The following CHDH variants were observed in gnomAD, a reference collection of about 807,000 sequenced individuals.
The protein encoded by CHDH is choline dehydrogenase, also known as choline dehydrogenase, mitochondrial.
A neutral mutation model predicts 56.9 loss-of-function variants in CHDH; 43 were observed. That is an observed-to-expected ratio of 0.76 (90% CI 0.59 to 0.97). CHDH has a LOEUF of 0.97. Ranked by LOEUF, CHDH falls within the 50% of genes least tolerant of loss-of-function variation. The probability of loss-of-function intolerance (pLI) is 0.00; values close to 1 mark genes in which losing one functional copy is unlikely to be tolerated. For synonymous variants in CHDH, 364 were observed against 348.5 expected (o/e 1.04, Z -0.50); for missense variants, 816 against 821.1 (o/e 0.99, Z 0.08).
intron 1 of CHDH, among the ~76,000 whole-genome samples, chr3:53,843,967 T>A (rs1433179476): frequency 6.6e-6 from 1 of 152,216 alleles, no homozygotes; most frequent in African/African-American, 2.4e-5. Context: ...GGACCTCTCA[T>A]GCAGGGCCAC....
intron 2 of CHDH, among the ~76,000 whole-genome samples, chr3:53,828,697 A>G (rs1307587461): frequency 3.3e-5 from 5 of 152,188 alleles, no homozygotes; most frequent in Non-Finnish European, 7.3e-5. Context: ...CAAGAGTGAG[A>G]CACTACTATA....
At chr3:53,818,332 C>T in intron 8 of CHDH, 137 bp from the exon 9 acceptor site, 1 of 775,194 alleles carries the variant, frequency 1.3e-6, no homozygotes, top group South Asian at 1.9e-5. Flanking sequence ...CCATGGGGGA[C>T]TGAGCCAGCA....
chr3:53,822,396 TGG>T, intron 4 of CHDH, 93 bp downstream of exon 4: 2 of 1,210,444 alleles, frequency 1.7e-6, no homozygotes, highest in Non-Finnish European at 2.4e-6. Flanking sequence ...CACGTGGGTC[TGG>T]GGGTGAGGGC....
intron 8 of CHDH, 147 bp from the exon 9 acceptor site, chr3:53,818,342 A>G: frequency 2.7e-6 from 2 of 731,286 alleles, no homozygotes; most frequent in South Asian, 1.9e-5. Flanking sequence ...CTGAGCCAGC[A>G]GGCTGCTTGT....
chr3:53,826,997 A>AC (rs1006357376), intron 2 of CHDH, among the ~76,000 whole-genome samples: 1 of 152,180 alleles, frequency 6.6e-6, no homozygotes, highest in Non-Finnish European at 1.5e-5. Flanking sequence ...TTAAATTAGC[A>AC]CCCCAGGCTG....
chr3:53,819,711 C>A lies in CHDH; in HGVS notation c.1121-37G>T. On this transcript the variant is annotated intron_variant, in intron 6 of 8. Transcript: ENST00000315251. This position sits in a 1 kb window ranked among gnomAD's most constrained non-coding sequence, Gnocchi z 5.4. ...AAGAGGATGAGGCAGAAGAGCCAGT[C>A]AGGCCGTGGCAGGTGGGCCGGCTGC... 1 of 1,518,250 alleles carries A rather than the reference C, an allele frequency of 6.6e-7. No individual in the cohort carries two copies. The highest frequency in any genetic ancestry group is 1.3e-5 in the South Asian group (1 of 77,430). The allele number at this position is 1,518,250 out of a possible 1,614,324, so 94.0% of individuals were successfully genotyped here.
chr3:53,821,535 C>G, intron 5 of CHDH, 112 bp downstream of exon 5: 3 of 956,676 alleles, frequency 3.1e-6, no homozygotes, highest in Non-Finnish European at 4.8e-6. Flanking sequence ...TGTGATAGTT[C>G]CAAGGATCAC....
In CHDH at chr3:53,823,868, G is replaced by A. The variant is rs753921753; in HGVS notation, c.141C>T (p.Gly47=). Residue 47 remains glycine, a synonymous_variant, in exon 3 of 9, where the codon GGC becomes GGT. Transcript: ENST00000315251. ...CCAGCACGCAGCCCGCCGAGCCCGC[G>A]CCCACCACCACATAGCTGTACTCGT... is the stretch of plus-strand genomic sequence containing the variant. ...SRDEYSYVVV[G]AGSAGCVLAG... is the part of the protein sequence containing the mutation. 37 of 1,591,524 alleles carry A rather than the reference G, an allele frequency of 2.3e-5. No homozygotes were observed. The highest frequency in any genetic ancestry group is 3.0e-5 in the Non-Finnish European group (35 of 1,176,368).
rs1162529680 is a variant in CHDH at position 53,819,652 on chromosome 3, C to T, written c.1143G>A (p.Leu381=). ...GGCTGCGGATGAACCCACCTGTTTC[C>T]AGATGGGCAGTGGCTCCCTCCCCTG... ...KFTGEGATAH[L]ETGGFIRSQP... Residue 381 remains leucine (L), a synonymous_variant, in exon 7 of 9, where the codon CTG becomes CTA. Transcript: ENST00000315251. The surrounding 1 kb of genome is among the most constrained non-coding windows in gnomAD (Gnocchi z 5.4). 1 of 1,607,594 alleles carries T rather than the reference C, an allele frequency of 6.2e-7. No homozygotes were observed. The highest frequency in any genetic ancestry group is 1.7e-5 in the Admixed American group (1 of 59,482).
chr3:53,839,339 G>T (rs1698601981), intron 2 of CHDH, among the ~76,000 whole-genome samples: 1 of 152,220 alleles, frequency 6.6e-6, no homozygotes, highest in East Asian at 1.9e-4. Context: ...GAATCCAAGT[G>T]CAGGGAAACC....
At chr3:53,833,801 AG>A (rs1382281602) in intron 2 of CHDH, among the ~76,000 whole-genome samples, 1 of 152,154 alleles carries the variant, frequency 6.6e-6, no homozygotes, top group Non-Finnish European at 1.5e-5. Context: ...GACAAGCACG[AG>A]GAAGAACAGA....
At chr3:53,824,620 G>T (rs1487778410) in intron 2 of CHDH, among the ~76,000 whole-genome samples, 1 of 152,180 alleles carries the variant, frequency 6.6e-6, no homozygotes, top group Non-Finnish European at 1.5e-5. Context: ...TTTGACCCGA[G>T]GGGCCATGGG....
In CHDH at chr3:53,822,555, C is replaced by CT; in HGVS notation, c.790dup (p.Arg264LysfsTer5). On this transcript the variant is annotated frameshift_variant, in exon 4 of 9. Coordinates refer to ENST00000315251, the MANE Select transcript of CHDH (RefSeq NM_018397.5). LOFTEE classifies it high-confidence loss of function. ...TGCACGGGTGCCCTCAAATAGCACC[C>CT]TGCTCACAAGCGTCTCGGCCTCGGC... 1 of 1,613,632 alleles carries CT rather than the reference C, an allele frequency of 6.2e-7. No homozygotes were observed. Among genetic ancestry groups the CT allele is most frequent in the Non-Finnish European group, 8.5e-7 (1 of 1,180,012 alleles).
rs976457497 is a variant in CHDH at position 53,813,734 on chromosome 3, T to A, written c.*4043A>T. ...ATTAAATTTTTCTTTGTAAGAAAAA[T>A]TTGAAGTTGTAGAGCATGGTTTTTT... On this transcript the variant is annotated 3_prime_UTR_variant, in exon 9 of 9. Transcript: ENST00000315251. 2 of 152,208 alleles carry A rather than the reference T, an allele frequency of 1.3e-5. No homozygotes were observed. Among genetic ancestry groups the A allele is most frequent in the African/African-American group, 4.8e-5 (2 of 41,450 alleles). 9.4% of individuals were successfully genotyped at this position (152,208 alleles called of 1,614,324 possible).
chr3:53,820,628 T>C lies in CHDH; in HGVS notation c.986-20A>G. On this transcript the variant is annotated intron_variant, in intron 5 of 8. Coordinates refer to ENST00000315251, the MANE Select transcript of CHDH (RefSeq NM_018397.5). ...CAACCCCTGATACGGGAAGGAGTGG[T>C]TTAGAAAATGGCTACCAAGGGGGCT... 6.2e-7 allele frequency: 1 copy of C among 1,601,766 alleles called. No individual in the cohort carries two copies. The highest frequency in any genetic ancestry group is 8.5e-7 in the Non-Finnish European group (1 of 1,174,724).
chr3:53,836,944 G>A (rs933119708), intron 2 of CHDH, among the ~76,000 whole-genome samples: 1 of 152,334 alleles, frequency 6.6e-6, no homozygotes, highest in Non-Finnish European at 1.5e-5. Context: ...GCATTTTCTG[G>A]GCTGAGGCAG....
intron 2 of CHDH, among the ~76,000 whole-genome samples, chr3:53,838,056 C>CAAAA (rs34971544): frequency 1.9e-4 from 11 of 58,814 alleles, no homozygotes; most frequent in African/African-American, 6.2e-4. Context: ...GACTCTGTCT[C>CAAAA]AAAAAAAAAA....
In CHDH at chr3:53,819,607, C is replaced by T. The variant is rs368495308; in HGVS notation, c.1188G>A (p.Pro396=). The change falls in exon 7 of 9, where the codon CCG becomes CCA. Residue 396 remains proline, a synonymous_variant. Coordinates refer to ENST00000315251, the MANE Select transcript of CHDH (RefSeq NM_018397.5). The surrounding 1 kb of genome is among the most constrained non-coding windows in gnomAD (Gnocchi z 5.4). The part of the protein sequence containing the change: ...FIRSQPGVPH[P]DIQFHFLPSQ... ...ATGGCAGGAAATGGAACTGGATGTC[C>T]GGGTGGGGGACCCCAGGCTGGCTGC... The T allele has an allele frequency of 3.2e-5, 51 of 1,610,782 alleles. No homozygotes were observed. Among genetic ancestry groups the T allele is most frequent in the South Asian group, 2.5e-4 (23 of 90,632 alleles).
intron 2 of CHDH, among the ~76,000 whole-genome samples, chr3:53,833,351 C>T (rs750679601): frequency 1.3e-5 from 2 of 152,182 alleles, no homozygotes; most frequent in African/African-American, 2.4e-5. Context: ...CCACCCTCCC[C>T]ACACAAGGGA....
Sources: gnomAD v4.1 joint callset for allele counts (sites outside exome capture counted in the v4.1 genomes callset) on GRCh38, gnomAD v4.1.1 for gene constraint, Gnocchi (gnomAD v3.1) non-coding constraint, MANE v1.5 for transcripts, NCBI Gene and HGNC (gene_info 2026-07-23, HGNC 2026-07-21) for gene names.